ST3GAL6: variants seen among roughly 807,000 people sequenced by gnomAD.
The protein encoded by ST3GAL6 is type 2 lactosamine alpha-2,3-sialyltransferase.
A neutral mutation model predicts 40.5 loss-of-function variants in ST3GAL6; 31 were observed. The observed-to-expected ratio is 0.77, with a 90% confidence interval of 0.58 to 1.03. The LOEUF (loss-of-function observed/expected upper bound fraction) is 1.03. Ranked by LOEUF, ST3GAL6 falls within the 50% of genes least tolerant of loss-of-function variation. The pLI is 0.00. For synonymous variants in ST3GAL6, 129 were observed against 136.9 expected (o/e 0.94, Z 0.40); for missense variants, 357 against 393.2 (o/e 0.91, Z 0.78).
At chr3:98,772,049 T>C (rs1006199211) in intron 3 of ST3GAL6, among the ~76,000 whole-genome samples, 1 of 152,360 alleles carries the variant, frequency 6.6e-6, no homozygotes, top group African/African-American at 2.4e-5. Context: ...GTTAAAATGC[T>C]ACTCTAGAAT....
intron 1 of ST3GAL6, among the ~76,000 whole-genome samples, chr3:98,748,724 C>G (rs1254568746): frequency 1.3e-5 from 2 of 152,160 alleles, no homozygotes; most frequent in Non-Finnish European, 2.9e-5. Flanking sequence ...CCTTGGCCTC[C>G]CAAAGTGCTG....
At chr3:98,735,737 T>C (rs75524302) in intron 1 of ST3GAL6, among the ~76,000 whole-genome samples, 2,303 of 152,278 alleles carry the variant, frequency 0.015, 62 homozygotes, top group African/African-American at 0.053. Context: ...AATTTAACCC[T>C]TAGGGGTTAA....
intron 2 of ST3GAL6, among the ~76,000 whole-genome samples, chr3:98,769,485 C>T (rs1488062484): frequency 1.3e-5 from 2 of 152,164 alleles, no homozygotes; most frequent in Admixed American, 6.5e-5. Context: ...ATTCTCTGTC[C>T]TACCCTTAGT....
chr3:98,772,961 G>A, intron 4 of ST3GAL6, 45 bp downstream of exon 4: 1 of 1,249,150 alleles, frequency 8.0e-7, no homozygotes, highest in East Asian at 2.3e-5. Context: ...TTTGAGTGGT[G>A]TTTGATGAGA....
intron 1 of ST3GAL6, among the ~76,000 whole-genome samples, chr3:98,765,281 G>A (rs1207815689): frequency 2.0e-5 from 3 of 152,184 alleles, no homozygotes; most frequent in African/African-American, 7.2e-5. Flanking sequence ...TATCTTGAGA[G>A]ACAGGATAAC....
In ST3GAL6 at chr3:98,770,928, T is replaced by C; in HGVS notation, c.139T>C (p.Ser47Pro). Residue 47 changes from serine to proline, a missense_variant, in exon 3 of 10, where the codon TCA becomes CCA. Ser to Pro is a moderately conservative substitution (Grantham distance 74, BLOSUM62 -1). Coordinates refer to ENST00000483910, the MANE Select transcript of ST3GAL6 (RefSeq NM_001323368.2). ...KRRNKIQPCL[S>P]KPAFASLLRF... ...GAGAAATAAGATCCAGCCTTGTTTA[T>C]CAAAGCCAGCTTTTGCCTCTCTGCT... The C allele has an allele frequency of 6.2e-7, 1 of 1,614,146 alleles. No individual in the cohort carries two copies.
chr3:98,766,819 C>T (rs1259259018), intron 1 of ST3GAL6, among the ~76,000 whole-genome samples: 1 of 152,090 alleles, frequency 6.6e-6, no homozygotes, highest in African/African-American at 2.4e-5. Flanking sequence ...CTTCCAGGAC[C>T]ATCTAATAAC....
chr3:98,747,083 C>A (rs1466434875), intron 1 of ST3GAL6, among the ~76,000 whole-genome samples: 1 of 152,186 alleles, frequency 6.6e-6, no homozygotes, highest in African/African-American at 2.4e-5. Flanking sequence ...AATGTGGTAA[C>A]CTTCCTGTAA....
chr3:98,744,091 A>G (rs1484344550), intron 1 of ST3GAL6, among the ~76,000 whole-genome samples: 2 of 152,190 alleles, frequency 1.3e-5, no homozygotes, highest in East Asian at 3.8e-4. Context: ...CCACGTGAAG[A>G]CAGAGAATTG....
In ST3GAL6 at chr3:98,788,221, T is replaced by A. The variant is rs1165962555; in HGVS notation, c.617T>A (p.Ile206Lys). 6.2e-7 allele frequency: 1 copy of A among 1,606,018 alleles called. No individual in the cohort carries two copies. Among genetic ancestry groups the A allele is most frequent in the Admixed American group, 1.7e-5 (1 of 58,954 alleles). Residue 206 changes from isoleucine (I) to lysine (K), a missense_variant and splice_region_variant, in exon 7 of 10, where the codon ATA (isoleucine) becomes AAA (lysine). Physicochemically the swap from Ile to Lys is moderately radical, Grantham distance 102. Coordinates refer to ENST00000483910, the MANE Select transcript of ST3GAL6 (RefSeq NM_001323368.2). ...WLLELLMGDK[I>K]NTNGFWKKPA... ...TTGGAATTGTTGATGGGTGACAAAA[T>A]AGTAAGTAGGCAAAATTGTTCTGCC...
At chr3:98,761,609 CAAAA>C (rs35800676), upstream of ST3GAL6, among the ~76,000 whole-genome samples, 5 of 114,636 alleles carry the variant, frequency 4.4e-5, no homozygotes, top group Admixed American at 8.5e-5. Flanking sequence ...GACTCCATCT[CAAAA>C]AAAAAAAAAA....
chr3:98,770,900 A>G lies in ST3GAL6; in HGVS notation c.111A>G (p.Lys37=), dbSNP rs1938913006. 6.2e-7 allele frequency: 1 copy of G among 1,614,120 alleles called. No homozygotes were observed. Among genetic ancestry groups the G allele is most frequent in the Non-Finnish European group, 8.5e-7 (1 of 1,179,996 alleles). Residue 37 remains lysine (K), a synonymous_variant, in exon 3 of 10, where the codon AAA becomes AAG. Transcript: ENST00000483910. ...NVYWVAPVEM[K]RRNKIQPCLS... The stretch of plus-strand genomic sequence containing the variant: ...ATAGGGTGGCACCTGTGGAAATGAA[A>G]CGGAGAAATAAGATCCAGCCTTGTT...
At chr3:98,762,755 A>G, upstream of ST3GAL6, 1 of 979,934 alleles carries the variant, frequency 1.0e-6, no homozygotes, top group Non-Finnish European at 1.2e-6. Flanking sequence ...TATAAGCCAC[A>G]ATTTCAAAGT....
chr3:98,736,446 G>T (rs190824257), intron 1 of ST3GAL6, among the ~76,000 whole-genome samples: 6 of 152,324 alleles, frequency 3.9e-5, no homozygotes, highest in Middle Eastern at 3.4e-3. Flanking sequence ...CAGAAGAGGA[G>T]ACGGCAAGGA....
chr3:98,735,076 A>G (rs1935415871), intron 1 of ST3GAL6, among the ~76,000 whole-genome samples: 1 of 152,170 alleles, frequency 6.6e-6, no homozygotes, highest in African/African-American at 2.4e-5. Flanking sequence ...TGGAACTCCT[A>G]TTTGGCACCC....
rs140633975 is a variant in ST3GAL6, at chr3:98,773,933, A to T, written c.285A>T (p.Arg95=). The change falls in exon 5 of 10, where the codon CGA becomes CGT. Residue 95 remains arginine, a synonymous_variant. Transcript: ENST00000483910. ...YGMRTSAEYF[R]LALSKLQSCD... is the part of the protein sequence containing the mutation. ...TTTGTTTTCTAGCGGAATATTTTCG[A>T]CTTGCTCTTTCAAAACTGCAGAGTT... The T allele has an allele frequency of 4.6e-5, 74 of 1,613,232 alleles. No homozygotes were observed. Among genetic ancestry groups the T allele is most frequent in the Non-Finnish European group, 6.1e-5 (72 of 1,179,416 alleles).
intron 1 of ST3GAL6, among the ~76,000 whole-genome samples, chr3:98,739,438 C>T (rs1466112649): frequency 2.6e-5 from 4 of 151,946 alleles, no homozygotes; most frequent in Non-Finnish European, 5.9e-5. Context: ...TAAACACAGA[C>T]CTCTTGTCTT....
chr3:98,781,536 CTTG>C (rs757752748), intron 5 of ST3GAL6, among the ~76,000 whole-genome samples: 2 of 151,362 alleles, frequency 1.3e-5, no homozygotes, highest in Non-Finnish European at 2.9e-5. Flanking sequence ...AGATATTTGG[CTTG>C]TTGTTCAGGA....
chr3:98,780,935 C>T (rs6790650), intron 5 of ST3GAL6, among the ~76,000 whole-genome samples: 64,814 of 152,014 alleles, frequency 0.43, 14,008 homozygotes, highest in Non-Finnish European at 0.45. Flanking sequence ...AGACTGAGCT[C>T]AGTCAATCCC....
Sources: allele counts gnomAD v4.1 joint callset (sites outside exome capture counted in the v4.1 genomes callset), GRCh38; gene constraint gnomAD v4.1.1; transcripts MANE v1.5; gene names NCBI Gene and HGNC (gene_info 2026-07-23, HGNC 2026-07-21).